Variants in RNF152 observed in about 807,000 individuals in gnomAD.
The protein encoded by RNF152 is E3 ubiquitin-protein ligase RNF152.
Under a neutral mutation model 12.7 loss-of-function variants are expected in RNF152, and 11 were observed. That is an observed-to-expected ratio of 0.86 (90% confidence interval 0.54 to 1.43). The LOEUF (loss-of-function observed/expected upper bound fraction) is 1.43. Among genes scored for constraint, RNF152 ranks in the 40% most tolerant of loss-of-function variants. The pLI, the probability that RNF152 is intolerant of heterozygous loss-of-function variation, is 0.00. For missense variants in RNF152, 255 were observed against 274.8 expected, an observed-to-expected ratio of 0.93 and a Z score of 0.51; for synonymous variants, 113 against 120.3, an observed-to-expected ratio of 0.94 and a Z score of 0.40.
chr18:61,836,244 G>A (rs1910177932), intron 1 of RNF152, among the ~76,000 whole-genome samples: 1 of 152,092 alleles, frequency 6.6e-6, no homozygotes, highest in African/African-American at 2.4e-5. Flanking sequence ...GGGGACATGG[G>A]GACATGTCAA....
intron 1 of RNF152, among the ~76,000 whole-genome samples, chr18:61,824,889 G>A (rs370094283): frequency 6.6e-6 from 1 of 152,190 alleles, no homozygotes; most frequent in African/African-American, 2.4e-5. Context: ...ATAAAAGACT[G>A]TCAGGAGATC....
At chr18:61,850,211 T>C (rs1910908848) in intron 1 of RNF152, among the ~76,000 whole-genome samples, 1 of 152,240 alleles carries the variant, frequency 6.6e-6, no homozygotes. Flanking sequence ...TATTCTTCAA[T>C]GCCCCTTGTC....
rs1053727658 is a variant in RNF152 at position 61,881,114 on chromosome 18, A to G, written c.-136+11681T>C. 2.0e-5 allele frequency among the ~76,000 whole-genome samples: 3 copies of G among 151,874 alleles called. No individual in the cohort carries two copies. In the South Asian group the frequency reaches 6.2e-4, roughly 32 times the overall value. ...TTTTTAGTAGAGATAGGGTTTCCTC[A>G]TATTAGTCAGGCTGGTCTCAAACAT... On this transcript the variant is annotated intron_variant, in intron 1 of 1. Transcript: ENST00000312828.
intron 1 of RNF152, among the ~76,000 whole-genome samples, chr18:61,820,203 C>T (rs1245429191): frequency 6.6e-6 from 1 of 150,754 alleles, no homozygotes. Context: ...GTGGCGGACG[C>T]CTGTAGTCCC....
At chr18:61,858,056 T>C (rs1383068631) in intron 1 of RNF152, among the ~76,000 whole-genome samples, 1 of 152,174 alleles carries the variant, frequency 6.6e-6, no homozygotes, top group African/African-American at 2.4e-5. Context: ...AAAAAGACAA[T>C]TGTCTGTCCT....
chr18:61,831,691 C>G (rs1909957036), intron 1 of RNF152, among the ~76,000 whole-genome samples: 1 of 151,998 alleles, frequency 6.6e-6, no homozygotes, highest in Non-Finnish European at 1.5e-5. Context: ...AACAAACAAA[C>G]AAACAAACAA....
At chr18:61,817,212 G>A (rs745601848) in intron 1 of RNF152, among the ~76,000 whole-genome samples, 5 of 152,148 alleles carry the variant, frequency 3.3e-5, no homozygotes, top group Non-Finnish European at 7.4e-5. Flanking sequence ...CATTTGAAGA[G>A]AACAAAACAA....
intron 1 of RNF152, among the ~76,000 whole-genome samples, chr18:61,868,731 C>A (rs1413698135): frequency 6.6e-6 from 1 of 151,980 alleles, no homozygotes; most frequent in African/African-American, 2.4e-5. Flanking sequence ...AAAATAAGTA[C>A]AGGTTTTAGA....
At chr18:61,848,903 C>G (rs1431621591) in intron 1 of RNF152, among the ~76,000 whole-genome samples, 1 of 152,200 alleles carries the variant, frequency 6.6e-6, no homozygotes, top group Non-Finnish European at 1.5e-5. Context: ...CCACAGAGGT[C>G]TCAAAAGACT....
intron 1 of RNF152, among the ~76,000 whole-genome samples, chr18:61,868,214 G>C (rs1456469101): frequency 6.6e-6 from 1 of 152,170 alleles, no homozygotes; most frequent in Non-Finnish European, 1.5e-5. Context: ...GCATATATCT[G>C]TGTTATGTTT....
Position 61,844,186 on chromosome 18 carries a change from G to A in RNF152, c.-135-27588C>T, listed in dbSNP as rs1031033506. ...GGGAGGAAGGGAGGAAGAGAGGAAG[G>A]AAGGAAGGGAAGGAGGGAGGGAAGG... On this transcript the variant is annotated intron_variant, in intron 1 of 1. Coordinates refer to ENST00000312828, the MANE Select transcript of RNF152 (RefSeq NM_173557.3). 2.8e-3 allele frequency among the ~76,000 whole-genome samples: 178 copies of A among 63,358 alleles called. 2 individuals are homozygous for A. In the Middle Eastern group the frequency reaches 0.036, roughly 13 times the overall value. 41.6% of individuals were successfully genotyped at this position (63,358 alleles called of 152,430 possible).
intron 1 of RNF152, among the ~76,000 whole-genome samples, chr18:61,857,805 T>C (rs1456039871): frequency 6.6e-6 from 1 of 152,210 alleles, no homozygotes; most frequent in African/African-American, 2.4e-5. Context: ...TGTTAATCAA[T>C]AGTCATTTAA....
intron 1 of RNF152, chr18:61,888,323 T>G (rs4517883): frequency 6.6e-6 from 1 of 151,916 alleles, no homozygotes; most frequent in Non-Finnish European, 1.5e-5. Flanking sequence ...AATTAGAAAT[T>G]GAAAATCCCT....
chr18:61,872,107 G>A (rs1287377932), intron 1 of RNF152, among the ~76,000 whole-genome samples: 2 of 152,198 alleles, frequency 1.3e-5, no homozygotes, highest in East Asian at 3.9e-4. Context: ...AAGGCAAAAT[G>A]GGAACAGGCA....
At chr18:61,875,442 AT>A (rs1181299327) in intron 1 of RNF152, among the ~76,000 whole-genome samples, 2 of 152,008 alleles carry the variant, frequency 1.3e-5, no homozygotes, top group Admixed American at 6.6e-5. Flanking sequence ...CAGAAAACAA[AT>A]TTTTTTTCTT....
In RNF152 at chr18:61,810,177, T is replaced by G. The variant is rs1912900222; in HGVS notation, c.*5675A>C. The G allele has an allele frequency of 6.6e-6, 1 of 152,238 alleles. No homozygotes were observed. Among genetic ancestry groups the G allele is most frequent in the Non-Finnish European group, 1.5e-5 (1 of 68,038 alleles). 9.4% of individuals were successfully genotyped at this position (152,238 alleles called of 1,614,324 possible). ...CAGCCCATAGCAACAGTTAAGAAAT[T>G]AGCATCTAATCCAATATTGTATAAC... On this transcript the variant is annotated 3_prime_UTR_variant, in exon 2 of 2. Transcript: ENST00000312828.
At chr18:61,869,483 G>A (rs750045224) in intron 1 of RNF152, among the ~76,000 whole-genome samples, 21 of 152,076 alleles carry the variant, frequency 1.4e-4, no homozygotes, top group Non-Finnish European at 2.9e-4. Context: ...CACCACAGAC[G>A]GCACTAAAGG....
Position 61,808,639 on chromosome 18 carries a change from A to G in RNF152, c.*7213T>C, listed in dbSNP as rs1359993719. On this transcript the variant is annotated 3_prime_UTR_variant, in exon 2 of 2. Coordinates refer to ENST00000312828, the MANE Select transcript of RNF152 (RefSeq NM_173557.3). Reference sequence around the variant, plus strand: ...CAAGCTGAAACCAGCTTCTACACCCATGACTGTTGAGTGAGGCAAACACAA... The same window carrying G: ...CAAGCTGAAACCAGCTTCTACACCCGTGACTGTTGAGTGAGGCAAACACAA... 1 of 152,204 alleles carries G rather than the reference A, an allele frequency of 6.6e-6. No individual in the cohort carries two copies. 9.4% of individuals were successfully genotyped at this position (152,204 alleles called of 1,614,324 possible).
chr18:61,861,346 T>C (rs1911469894), intron 1 of RNF152, among the ~76,000 whole-genome samples: 1 of 152,220 alleles, frequency 6.6e-6, no homozygotes, highest in Admixed American at 6.5e-5. Flanking sequence ...AAATACTTAT[T>C]GTGTGTGTTA....
Sources: allele counts gnomAD v4.1 joint callset (sites outside exome capture counted in the v4.1 genomes callset), GRCh38; gene constraint gnomAD v4.1.1; transcripts MANE v1.5; gene names NCBI Gene and HGNC (gene_info 2026-07-23, HGNC 2026-07-21).